The following DAB2IP variants were observed in gnomAD, a reference collection of about 807,000 sequenced individuals.
DAB2IP encodes the protein DAB2 interacting protein.
Under a neutral mutation model 107.2 loss-of-function variants are expected in DAB2IP, and 28 were observed. The observed-to-expected ratio is 0.26, with a 90% CI of 0.19 to 0.36. The LOEUF is 0.36. Among genes scored for constraint, DAB2IP ranks in the 10% least tolerant of loss-of-function variants. The probability of loss-of-function intolerance (pLI) is 1.00; values close to 1 mark genes in which losing one functional copy is unlikely to be tolerated. For missense variants in DAB2IP, 1,400 were observed against 1,644.7 expected (o/e 0.85, Z 2.57); for synonymous variants, 755 against 706.4 (o/e 1.07, Z -1.09).
chr9:121,729,602 A>G (rs1204464181), intron 3 of DAB2IP, among the ~76,000 whole-genome samples: 1 of 152,204 alleles, frequency 6.6e-6, no homozygotes, highest in African/African-American at 2.4e-5. Flanking sequence ...CAAAGAAATT[A>G]TAAGTAAACA....
intron 12 of DAB2IP, 66 bp downstream of exon 12, chr9:121,773,561 AC>A (rs1767385996): frequency 7.3e-7 from 1 of 1,364,288 alleles, no homozygotes; most frequent in South Asian, 2.1e-5. Flanking sequence ...CATACCCCAT[AC>A]CATGCTCCTC....
intron 1 of DAB2IP, among the ~76,000 whole-genome samples, chr9:121,583,963 G>A (rs1368457008): frequency 1.3e-5 from 2 of 152,148 alleles, no homozygotes; most frequent in South Asian, 4.2e-4. Context: ...AGGATCACAA[G>A]GTCAAGAGTT....
At chr9:121,679,899 C>G (rs980275715) in intron 2 of DAB2IP, among the ~76,000 whole-genome samples, 1 of 152,126 alleles carries the variant, frequency 6.6e-6, no homozygotes, top group Non-Finnish European at 1.5e-5. Context: ...ACAGCAGTTG[C>G]AAAGGTATGG....
chr9:121,652,319 G>A (rs1382446182), intron 1 of DAB2IP, among the ~76,000 whole-genome samples: 1 of 152,180 alleles, frequency 6.6e-6, no homozygotes, highest in East Asian at 1.9e-4. Flanking sequence ...CCACCTCTTG[G>A]GTGCTAGGAC....
At chr9:121,743,674 G>A (rs1293466678) in intron 3 of DAB2IP, among the ~76,000 whole-genome samples, 1 of 152,238 alleles carries the variant, frequency 6.6e-6, no homozygotes, top group Non-Finnish European at 1.5e-5. Context: ...GGCTCGCCCG[G>A]CCACTCGGCT....
At chr9:121,735,632 G>A (rs1831843985) in intron 3 of DAB2IP, among the ~76,000 whole-genome samples, 1 of 152,168 alleles carries the variant, frequency 6.6e-6, no homozygotes, top group Non-Finnish European at 1.5e-5. Context: ...GGGAGGCTGT[G>A]CAGCCTCGGG....
intron 3 of DAB2IP, among the ~76,000 whole-genome samples, chr9:121,713,117 G>A (rs1830417398): frequency 6.6e-6 from 1 of 152,226 alleles, no homozygotes; most frequent in African/African-American, 2.4e-5. Flanking sequence ...CTAGGAAGGT[G>A]GCAGGGCAGG....
intron 8 of DAB2IP, among the ~76,000 whole-genome samples, chr9:121,765,021 G>A (rs879696435): frequency 2.6e-5 from 4 of 152,178 alleles, no homozygotes; most frequent in African/African-American, 4.8e-5. Flanking sequence ...CAGGCCAGGA[G>A]GGTTGGCACC....
chr9:121,643,641 A>G (rs1482224014), intron 1 of DAB2IP, among the ~76,000 whole-genome samples: 1 of 151,226 alleles, frequency 6.6e-6, no homozygotes, highest in Non-Finnish European at 1.5e-5. Context: ...TATGCAGTCA[A>G]CTCCTACTCA....
chr9:121,591,214 A>G (rs1471764964), intron 1 of DAB2IP, among the ~76,000 whole-genome samples: 1 of 152,228 alleles, frequency 6.6e-6, no homozygotes, highest in Non-Finnish European at 1.5e-5. Context: ...TATGCCTGTA[A>G]TCCCAGCACT....
intron 3 of DAB2IP, among the ~76,000 whole-genome samples, chr9:121,744,795 C>T (rs897683464): frequency 2.0e-5 from 3 of 152,094 alleles, no homozygotes; most frequent in Non-Finnish European, 4.4e-5. Context: ...GAGCAGAGGG[C>T]GTGTGCATAG....
intron 1 of DAB2IP, among the ~76,000 whole-genome samples, chr9:121,588,556 G>A (rs1165626826): frequency 1.5e-5 from 2 of 132,456 alleles, no homozygotes; most frequent in Admixed American, 7.5e-5. Flanking sequence ...GAAGGGTGAA[G>A]GGGGAAGGGG....
At chr9:121,757,080 G>C (rs148946129) in exon 4 of DAB2IP, 3 of 1,614,222 alleles carry the variant, frequency 1.9e-6, no homozygotes, top group Non-Finnish European at 1.7e-6. Flanking sequence ...CAGCAGTGCG[G>C]TGGAGGCGCT....
chr9:121,711,285 T>C (rs1830324831), intron 3 of DAB2IP, among the ~76,000 whole-genome samples: 1 of 152,208 alleles, frequency 6.6e-6, no homozygotes, highest in Middle Eastern at 3.2e-3. Flanking sequence ...GAGCAGTCTG[T>C]CCAGAGTTTC....
chr9:121,582,627 G>A (rs569049335), intron 1 of DAB2IP, among the ~76,000 whole-genome samples: 112 of 151,866 alleles, frequency 7.4e-4, no homozygotes, highest in African/African-American at 2.4e-3. Context: ...AGCTTACCTC[G>A]TCCCACTCCT....
At chr9:121,783,662 G>A in exon 16 of DAB2IP, 1 of 1,326,078 alleles carries the variant, frequency 7.5e-7, no homozygotes, top group Non-Finnish European at 1.1e-6. Context: ...CTCCAAGACA[G>A]CAGCAGCCTG....
intron 3 of DAB2IP, among the ~76,000 whole-genome samples, chr9:121,754,731 G>T (rs1833357729): frequency 1.3e-5 from 2 of 152,066 alleles, no homozygotes; most frequent in African/African-American, 4.8e-5. Flanking sequence ...TTTGGGGTCT[G>T]GCCTGGGCCT....
In DAB2IP at chr9:121,574,281, G is replaced by C. The variant is rs915075912; in HGVS notation, c.40+7053G>C. Among the ~76,000 whole-genome samples, 13 of 152,084 alleles carry C rather than the reference G, an allele frequency of 8.5e-5. 1 individual carries two copies. The highest frequency in any genetic ancestry group is 3.1e-4 in the African/African-American group (13 of 41,360). ...CTGCCACTCAGCTCACTCAGCAGGTGCCAGCCAAAGACCTGGGCTCTCATC... is the reference window on the plus strand; with the variant it reads ...CTGCCACTCAGCTCACTCAGCAGGTCCCAGCCAAAGACCTGGGCTCTCATC... On this transcript the variant is annotated intron_variant, in intron 1 of 16. Transcript: ENST00000259371.
At chr9:121,620,797 C>T (rs1045800635) in intron 1 of DAB2IP, among the ~76,000 whole-genome samples, 2 of 152,186 alleles carry the variant, frequency 1.3e-5, no homozygotes, top group Admixed American at 6.5e-5. Flanking sequence ...CCTACCAGCT[C>T]TCACCTGGGA....
Sources: gnomAD v4.1 joint callset for allele counts (sites outside exome capture counted in the v4.1 genomes callset) on GRCh38, gnomAD v4.1.1 for gene constraint, MANE v1.5 for transcripts, NCBI Gene and HGNC (gene_info 2026-07-23, HGNC 2026-07-21) for gene names.